The following RIC8B variants were observed in gnomAD, a reference collection of about 807,000 sequenced individuals.
RIC8B encodes the protein chaperone Ric-8B.
Under a neutral mutation model 57.5 loss-of-function variants are expected in RIC8B, and 16 were observed. That is an observed-to-expected ratio of 0.28 (90% CI 0.19 to 0.42). The LOEUF is 0.42. RIC8B is among the 10% of genes least tolerant of loss of function. RIC8B has a pLI of 1.00. For synonymous variants in RIC8B, 216 were observed against 250.8 expected (o/e 0.86, Z 1.31); for missense variants, 481 against 677.0 (o/e 0.71, Z 3.21).
At chr12:106,829,276 A>G (rs564626782) in intron 4 of RIC8B, among the ~76,000 whole-genome samples, 1 of 152,290 alleles carries the variant, frequency 6.6e-6, no homozygotes, top group Admixed American at 6.5e-5. Flanking sequence ...TCCAGTCCAT[A>G]ATCAACAAGC....
At chr12:106,883,263 T>C (rs1361480181) in intron 9 of RIC8B, among the ~76,000 whole-genome samples, 1 of 152,188 alleles carries the variant, frequency 6.6e-6, no homozygotes, top group African/African-American at 2.4e-5. Flanking sequence ...CAGCAGGTTC[T>C]CCCTCTTCTC....
rs1346646118 is a variant in RIC8B, at chr12:106,888,899, T to G, written c.*2884T>G. On this transcript the variant is annotated 3_prime_UTR_variant, in exon 10 of 10. Coordinates refer to ENST00000392837, the MANE Select transcript of RIC8B (RefSeq NM_001330145.2). ...TATTGTGACCCTTTCAGATGCCCAG[T>G]AGTCCTGGGAGGCAGGCAGGGCAGG... The G allele has an allele frequency of 2.6e-5, 4 of 152,174 alleles. No homozygotes were observed. Among genetic ancestry groups the G allele is most frequent in the African/African-American group, 9.7e-5 (4 of 41,434 alleles). The allele number at this position is 152,174 out of a possible 1,614,324, so 9.4% of individuals were successfully genotyped here. A position where few individuals can be genotyped will look rare whatever the true frequency, so the allele number is the denominator to read the frequency against.
intron 2 of RIC8B, among the ~76,000 whole-genome samples, chr12:106,793,081 C>G (rs1460855572): frequency 6.6e-6 from 1 of 152,164 alleles, no homozygotes; most frequent in Non-Finnish European, 1.5e-5. Flanking sequence ...TTCTGCCCTT[C>G]CTCATGGGAT....
intron 1 of RIC8B, among the ~76,000 whole-genome samples, chr12:106,776,544 CG>C (rs1325976221): frequency 6.6e-6 from 1 of 152,154 alleles, no homozygotes; most frequent in Non-Finnish European, 1.5e-5. Flanking sequence ...GATATAATCA[CG>C]TTCTTTAATA....
In RIC8B at chr12:106,886,466, A is replaced by T. The variant is rs1951187443; in HGVS notation, c.*451A>T. On this transcript the variant is annotated 3_prime_UTR_variant, in exon 10 of 10. Transcript: ENST00000392837. ...AAGCCTTGGGCAAGCGACTTCTTAG[A>T]TCAGAACTCACCAAATGGAAGCCTA... is the stretch of plus-strand genomic sequence containing the variant. The T allele has an allele frequency of 6.4e-6, 1 of 155,504 alleles. No homozygotes were observed. Among genetic ancestry groups the T allele is most frequent in the Non-Finnish European group, 1.4e-5 (1 of 70,140 alleles). The allele number at this position is 155,504 out of a possible 1,614,324, so 9.6% of individuals were successfully genotyped here. A position where few individuals can be genotyped will look rare whatever the true frequency, so the allele number is the denominator to read the frequency against.
rs145054041 is a variant in RIC8B, at chr12:106,797,889, G to A, written c.132+13845G>A. 1.5e-3 allele frequency: 664 copies of A among 456,696 alleles called. 4 individuals are homozygous for A. Among genetic ancestry groups the A allele is most frequent in the African/African-American group, 0.012 (616 of 49,376 alleles). The allele number at this position is 456,696 out of a possible 1,614,324, so 28.3% of individuals were successfully genotyped here. On this transcript the variant is annotated intron_variant, in intron 2 of 9. Coordinates refer to ENST00000392837, the MANE Select transcript of RIC8B (RefSeq NM_001330145.2). ...CTTAGGCAGCCTGGCTCCAAGACCCGTGTGCTACACCGTACTGCCGCTCAT... is the reference window on the plus strand; with the variant it reads ...CTTAGGCAGCCTGGCTCCAAGACCCATGTGCTACACCGTACTGCCGCTCAT...
At chr12:106,864,532 C>T (rs1177090859) in intron 8 of RIC8B, among the ~76,000 whole-genome samples, 2 of 152,074 alleles carry the variant, frequency 1.3e-5, no homozygotes, top group Non-Finnish European at 2.9e-5. Flanking sequence ...GGCAATGAAT[C>T]GAGTAATTTG....
chr12:106,801,545 C>G (rs975244818), intron 2 of RIC8B, among the ~76,000 whole-genome samples: 1 of 152,062 alleles, frequency 6.6e-6, no homozygotes, highest in South Asian at 2.1e-4. Context: ...TTCATAGAGA[C>G]AGTATCCATT....
intron 3 of RIC8B, among the ~76,000 whole-genome samples, chr12:106,820,834 T>A (rs1475407760): frequency 6.6e-6 from 1 of 152,240 alleles, no homozygotes. Context: ...ATGTGAAAGC[T>A]ATATAAAGAG....
At chr12:106,795,371 A>G (rs61943309) in intron 2 of RIC8B, among the ~76,000 whole-genome samples, 29 of 152,144 alleles carry the variant, frequency 1.9e-4, no homozygotes, top group Non-Finnish European at 3.2e-4. Context: ...TCTAATAGGC[A>G]AAAGAAAGAA....
At chr12:106,844,996 C>T (rs953349546) in intron 6 of RIC8B, among the ~76,000 whole-genome samples, 3 of 152,156 alleles carry the variant, frequency 2.0e-5, no homozygotes, top group African/African-American at 7.2e-5. Context: ...CTTTCTTCCT[C>T]GGAGGATTGT....
At chr12:106,806,013 G>A (rs1295827082) in intron 2 of RIC8B, among the ~76,000 whole-genome samples, 1 of 151,950 alleles carries the variant, frequency 6.6e-6, no homozygotes, top group Non-Finnish European at 1.5e-5. Context: ...GCAATGGTGC[G>A]ATCTCGGCTC....
chr12:106,790,044 T>A (rs887935624), intron 2 of RIC8B, among the ~76,000 whole-genome samples: 1 of 152,212 alleles, frequency 6.6e-6, no homozygotes, highest in African/African-American at 2.4e-5. Flanking sequence ...AAAGATTTGC[T>A]TCTTACCGGT....
rs1466378526 is a variant in RIC8B, at chr12:106,887,129, T to C, written c.*1114T>C. On this transcript the variant is annotated 3_prime_UTR_variant, in exon 10 of 10. Coordinates refer to ENST00000392837, the MANE Select transcript of RIC8B (RefSeq NM_001330145.2). ...TCATGCACTAGACAGTGGGCCTAGCTCATCAGTGGCTAAAGTTGAAAAGGG... is the reference window on the plus strand; with the variant it reads ...TCATGCACTAGACAGTGGGCCTAGCCCATCAGTGGCTAAAGTTGAAAAGGG... The C allele has an allele frequency of 6.6e-6, 1 of 152,618 alleles. No homozygotes were observed. Among genetic ancestry groups the C allele is most frequent in the Non-Finnish European group, 1.5e-5 (1 of 68,038 alleles). 9.5% of individuals were successfully genotyped at this position (152,618 alleles called of 1,614,324 possible).
intron 2 of RIC8B, among the ~76,000 whole-genome samples, chr12:106,799,903 A>G (rs927190453): frequency 1.3e-5 from 2 of 152,142 alleles, no homozygotes; most frequent in Non-Finnish European, 2.9e-5. Context: ...TGTATGGCTT[A>G]AAGGACAGAA....
At chr12:106,827,052 G>A (rs1367591768) in intron 4 of RIC8B, among the ~76,000 whole-genome samples, 1 of 152,168 alleles carries the variant, frequency 6.6e-6, no homozygotes, top group Non-Finnish European at 1.5e-5. Context: ...TCCAGCCTGG[G>A]TGACAAAGCG....
chr12:106,793,039 T>C (rs898930260), intron 2 of RIC8B, among the ~76,000 whole-genome samples: 2 of 152,046 alleles, frequency 1.3e-5, no homozygotes, highest in African/African-American at 4.8e-5. Flanking sequence ...TCTGGATAAG[T>C]GTAGCTGAGA....
chr12:106,885,512 C>T (rs1951140350), intron 9 of RIC8B, among the ~76,000 whole-genome samples: 1 of 151,748 alleles, frequency 6.6e-6, no homozygotes, highest in Non-Finnish European at 1.5e-5. Flanking sequence ...TAATTGTATG[C>T]TCCAACCACT....
In RIC8B at chr12:106,867,132, G is replaced by A. The variant is rs557612832; in HGVS notation, c.1452-3691G>A. 6.6e-6 allele frequency among the ~76,000 whole-genome samples: 1 copy of A among 152,208 alleles called. No individual in the cohort carries two copies. The highest frequency in any genetic ancestry group is 2.1e-4 in the South Asian group (1 of 4,826). On this transcript the variant is annotated intron_variant, in intron 8 of 9. Transcript: ENST00000392837. This position sits in a 1 kb window ranked among gnomAD's most constrained non-coding sequence, Gnocchi z 4.3. Reference sequence around the variant, plus strand: ...TAAATGACCTAGTACTGTTGATGTTGGCCAAAGGTAGCAAAAATTTGAAGA... The same window carrying A: ...TAAATGACCTAGTACTGTTGATGTTAGCCAAAGGTAGCAAAAATTTGAAGA...
Sources: allele counts gnomAD v4.1 joint callset (sites outside exome capture counted in the v4.1 genomes callset), GRCh38; gene constraint gnomAD v4.1.1; non-coding constraint Gnocchi (gnomAD v3.1); transcripts MANE v1.5; gene names NCBI Gene and HGNC (gene_info 2026-07-23, HGNC 2026-07-21).